The following DCAF6 variants were observed in gnomAD, a reference collection of about 807,000 sequenced individuals.
DCAF6 encodes DDB1 and CUL4 associated factor 6, also known as DDB1- and CUL4-associated factor 6.
In DCAF6, 54 loss-of-function variants were observed where a neutral mutation model predicts 125.1. That is an observed-to-expected ratio of 0.43 (90% CI 0.35 to 0.54). DCAF6 has a LOEUF of 0.54. Ranked by LOEUF, DCAF6 falls within the 20% of genes least tolerant of loss-of-function variation. The pLI is 0.01. For missense variants in DCAF6, 934 were observed against 1,161.7 expected, an observed-to-expected ratio of 0.80 and a Z score of 2.85; for synonymous variants, 371 against 390.4, an observed-to-expected ratio of 0.95 and a Z score of 0.58.
chr1:168,000,224 C>T (rs1029288253), intron 7 of DCAF6, among the ~76,000 whole-genome samples: 22 of 152,158 alleles, frequency 1.4e-4, no homozygotes, highest in South Asian at 2.1e-4. Flanking sequence ...TATATGGATG[C>T]GGTTTGTGGC....
chr1:167,878,624 T>C, the DCAF6 span: 3 of 1,614,078 alleles, frequency 1.9e-6, no homozygotes, highest in South Asian at 2.2e-5. Context: ...AAGTTGACTT[T>C]TTGACCAATG....
At chr1:168,000,964 A>T (rs186095513) in intron 7 of DCAF6, among the ~76,000 whole-genome samples, 6 of 152,284 alleles carry the variant, frequency 3.9e-5, no homozygotes, top group Admixed American at 3.9e-4. Context: ...TATAATTTAA[A>T]ATTATGAATA....
chr1:167,986,583 T>C (rs113589711), intron 4 of DCAF6, among the ~76,000 whole-genome samples: 53 of 152,376 alleles, frequency 3.5e-4, no homozygotes, highest in Middle Eastern at 3.4e-3. Flanking sequence ...GGTTTAAAAC[T>C]GTTATACCTC....
chr1:167,944,135 C>T (rs568215212), intron 1 of DCAF6, among the ~76,000 whole-genome samples: 1 of 152,320 alleles, frequency 6.6e-6, no homozygotes, highest in Non-Finnish European at 1.5e-5. Context: ...AGCCACCACG[C>T]CCAGCCTGAT....
intron 3 of DCAF6, among the ~76,000 whole-genome samples, chr1:167,971,430 G>A (rs950207227): frequency 6.6e-6 from 1 of 152,052 alleles, no homozygotes; most frequent in Non-Finnish European, 1.5e-5. Flanking sequence ...TTAGTAAAAC[G>A]AGTGTATAAA....
chr1:167,979,295 CA>C (rs1178856599), intron 4 of DCAF6, among the ~76,000 whole-genome samples: 2 of 152,004 alleles, frequency 1.3e-5, no homozygotes, highest in African/African-American at 4.8e-5. Flanking sequence ...TGTTTTTTGC[CA>C]AATACATATA....
At chr1:168,039,923 G>T (rs1039384590) in intron 13 of DCAF6, among the ~76,000 whole-genome samples, 1 of 151,644 alleles carries the variant, frequency 6.6e-6, no homozygotes, top group Admixed American at 6.6e-5. Context: ...ATGTTCCGGG[G>T]ACTATTCTAG....
At chr1:167,973,386 T>A (rs1677641423) in intron 3 of DCAF6, among the ~76,000 whole-genome samples, 1 of 152,212 alleles carries the variant, frequency 6.6e-6, no homozygotes, top group African/African-American at 2.4e-5. Context: ...TAACAAGCTG[T>A]CTGTGAAGTG....
At chr1:167,929,594 A>G in the DCAF6 span, among the ~76,000 whole-genome samples, 8 of 152,304 alleles carry the variant, frequency 5.3e-5, no homozygotes, top group South Asian at 8.3e-4. Context: ...ACTTCAATGA[A>G]CCTATTAATA....
the DCAF6 span, among the ~76,000 whole-genome samples, chr1:167,902,828 C>CAGTTCACT: frequency 7.2e-5 from 11 of 152,216 alleles, no homozygotes; most frequent in Admixed American, 7.2e-4. Context: ...CTAAAGTTTT[C>CAGTTCACT]AGTTCACTCT....
At chr1:168,070,147 A>G (rs1008238680) in intron 21 of DCAF6, among the ~76,000 whole-genome samples, 1 of 152,142 alleles carries the variant, frequency 6.6e-6, no homozygotes, top group Non-Finnish European at 1.5e-5. Flanking sequence ...GTTTTATAAT[A>G]TAAAAATTCT....
At chr1:167,996,987 T>A (rs1681818042) in intron 7 of DCAF6, among the ~76,000 whole-genome samples, 1 of 152,180 alleles carries the variant, frequency 6.6e-6, no homozygotes, top group Non-Finnish European at 1.5e-5. Flanking sequence ...ATATTTTGCT[T>A]TTTCATTTCA....
the DCAF6 span, among the ~76,000 whole-genome samples, chr1:167,887,334 G>A: frequency 4.5e-3 from 689 of 152,248 alleles, 10 homozygotes; most frequent in African/African-American, 0.016. Flanking sequence ...AAGAAAATGT[G>A]GCATGTATAC....
the DCAF6 span, among the ~76,000 whole-genome samples, chr1:167,892,120 G>A: frequency 3.9e-4 from 60 of 151,960 alleles, no homozygotes; most frequent in African/African-American, 7.2e-4. Flanking sequence ...CTACAGGCAC[G>A]TGCCACCACA....
At chr1:168,074,634 A>G (rs533671041) in intron 21 of DCAF6, among the ~76,000 whole-genome samples, 37 of 152,314 alleles carry the variant, frequency 2.4e-4, no homozygotes, top group Admixed American at 9.1e-4. Context: ...TATGAAGTTC[A>G]TATAAGATAT....
At chr1:167,910,246 T>A in the DCAF6 span, among the ~76,000 whole-genome samples, 1 of 152,318 alleles carries the variant, frequency 6.6e-6, no homozygotes, top group East Asian at 1.9e-4. Flanking sequence ...CCTTTTCATA[T>A]GTTAACTAGC....
At chr1:167,985,539 G>C (rs78091068) in intron 4 of DCAF6, among the ~76,000 whole-genome samples, 12,818 of 151,972 alleles carry the variant, frequency 0.084, 594 homozygotes, top group Middle Eastern at 0.1. Context: ...TAAGACCCTT[G>C]TAATTATATT....
At chr1:167,877,246 A>C in the DCAF6 span, among the ~76,000 whole-genome samples, 1 of 148,936 alleles carries the variant, frequency 6.7e-6, no homozygotes, top group Admixed American at 6.8e-5. Context: ...TCTATCTCGT[A>C]TGGTCAATAT....
At chr1:168,041,196 C>G (rs1688487736) in intron 13 of DCAF6, among the ~76,000 whole-genome samples, 1 of 152,038 alleles carries the variant, frequency 6.6e-6, no homozygotes, top group South Asian at 2.1e-4. Context: ...AGAAGGCCCT[C>G]ATTGATTGTT....
Sources: gnomAD v4.1 joint callset for allele counts (sites outside exome capture counted in the v4.1 genomes callset) on GRCh38, gnomAD v4.1.1 for gene constraint, MANE v1.5 for transcripts, NCBI Gene and HGNC (gene_info 2026-07-23, HGNC 2026-07-21) for gene names.